PRKDC: variants seen among roughly 807,000 people sequenced by gnomAD.
PRKDC encodes protein kinase, DNA-activated, catalytic subunit.
A neutral mutation model predicts 486.9 loss-of-function variants in PRKDC; 82 were observed. That is an observed-to-expected ratio of 0.17 (90% CI 0.14 to 0.20). PRKDC has a LOEUF of 0.20. PRKDC is among the 10% of genes least tolerant of loss of function. The pLI, the probability that PRKDC is intolerant of heterozygous loss-of-function variation, is 1.00. For synonymous variants in PRKDC, 1,895 were observed against 1,837.0 expected (o/e 1.03, Z -0.81); for missense variants, 4,504 against 5,038.2 (o/e 0.89, Z 3.21).
In PRKDC at chr8:47,935,846, T is replaced by C. The variant is rs2090341362; in HGVS notation, c.1333A>G (p.Ser445Gly). 1 of 1,613,966 alleles carries C rather than the reference T, an allele frequency of 6.2e-7. No individual in the cohort carries two copies. Among genetic ancestry groups the C allele is most frequent in the Non-Finnish European group, 8.5e-7 (1 of 1,179,878 alleles). Residue 445 changes from serine (S) to glycine (G), a missense_variant, in exon 13 of 86, where the codon AGT (serine) becomes GGT (glycine). Physicochemically the swap from Ser to Gly is moderately conservative, Grantham distance 56. Around this residue, in one of 6 missense-constraint regions of PRKDC, gnomAD observed 1,969 missense variants for 2,068.9 expected, o/e 0.95. Transcript: ENST00000314191. ...ATTTTTGGACTGTACTGTGGGAAAC[T>C]GTCTATCTGCATCACCACGAGGTGC... ...LEHLVVMQID[S>G]FPQYSPKMQL... is the part of the protein sequence containing the mutation.
At position 47,807,311 on chromosome 8, in the gene PRKDC, G is replaced by T; in HGVS notation, c.9573C>A (p.Ser3191Arg). 2 of 1,560,050 alleles carry T rather than the reference G, an allele frequency of 1.3e-6. No individual in the cohort carries two copies. The highest frequency in any genetic ancestry group is 8.7e-7 in the Non-Finnish European group (1 of 1,150,392). Reference sequence around the variant, plus strand: ...GAGGGGTAAGCTTCTCCTCTATTTTGCTGAGAAAGAAACATCTACACAAAG... The same window carrying T: ...GAGGGGTAAGCTTCTCCTCTATTTTTCTGAGAAAGAAACATCTACACAAAG... ...DIITNRCFFL[S>R]KIEEKLTPLP... Residue 3191 changes from serine to arginine, a missense_variant, in exon 69 of 86, where the codon AGC (serine) becomes AGA (arginine). This residue lies in a region of PRKDC where 1,592 missense variants were observed against 1,724.6 expected (regional missense o/e 0.92). Coordinates refer to ENST00000314191, the MANE Select transcript of PRKDC (RefSeq NM_006904.7).
At chr8:47,878,326 C>G (rs202095606) in intron 39 of PRKDC, among the ~76,000 whole-genome samples, 1 of 152,082 alleles carries the variant, frequency 6.6e-6, no homozygotes, top group Non-Finnish European at 1.5e-5. Context: ...AGGATGGTCT[C>G]GATCTCCTGA....
intron 22 of PRKDC, among the ~76,000 whole-genome samples, chr8:47,916,614 C>CA (rs2089988168): frequency 6.6e-6 from 1 of 152,090 alleles, no homozygotes; most frequent in Non-Finnish European, 1.5e-5. Flanking sequence ...TGCATATATC[C>CA]ACCTATGAAT....
At chr8:47,805,583 T>C (rs1452002422) in intron 69 of PRKDC, among the ~76,000 whole-genome samples, 1 of 152,206 alleles carries the variant, frequency 6.6e-6, no homozygotes, top group Non-Finnish European at 1.5e-5. Context: ...ATTACATGAG[T>C]TGTCTTTATA....
At chr8:47,865,755 T>G (rs1050104112) in intron 40 of PRKDC, among the ~76,000 whole-genome samples, 12 of 152,076 alleles carry the variant, frequency 7.9e-5, no homozygotes, top group African/African-American at 2.9e-4. Context: ...GGTACTATAA[T>G]GGACTGAATG....
chr8:47,859,052 G>A (rs2088614183), intron 46 of PRKDC, 66 bp from the exon 47 acceptor site: 1 of 1,568,262 alleles, frequency 6.4e-7, no homozygotes, highest in Non-Finnish European at 8.7e-7. Flanking sequence ...GGCAGTGGAT[G>A]TGGGAGGCTC....
At position 47,803,470 on chromosome 8, in the gene PRKDC, G is replaced by A. The variant is rs774233446; in HGVS notation, c.9758C>T (p.Ser3253Leu). 1 of 1,613,856 alleles carries A rather than the reference G, an allele frequency of 6.2e-7. No homozygotes were observed. Among genetic ancestry groups the A allele is most frequent in the Non-Finnish European group, 8.5e-7 (1 of 1,179,776 alleles). ...CTCCTTCAGTAGTTTCATAGCAAGT[G>A]AGAAATTGTTCTGTATGAATACAAT... ...IDSARKQNNF[S>L]LAMKLLKELH... Residue 3253 changes from serine to leucine, a missense_variant, in exon 70 of 86, where the codon TCA (serine) becomes TTA (leucine). By Grantham distance (145) the Ser-to-Leu change is moderately radical. Coordinates refer to ENST00000314191, the MANE Select transcript of PRKDC (RefSeq NM_006904.7).
intron 68 of PRKDC, among the ~76,000 whole-genome samples, chr8:47,811,866 A>T (rs889960218): frequency 4.6e-5 from 7 of 152,192 alleles, no homozygotes; most frequent in African/African-American, 1.7e-4. Context: ...AAACCCGGCT[A>T]CTCGGGAGGC....
intron 51 of PRKDC, among the ~76,000 whole-genome samples, chr8:47,853,571 T>C (rs926480601): frequency 4.6e-5 from 7 of 152,152 alleles, no homozygotes; most frequent in African/African-American, 1.4e-4. Context: ...CCAGCTGCCC[T>C]AGCTCCCAGG....
intron 40 of PRKDC, among the ~76,000 whole-genome samples, chr8:47,874,002 T>C (rs1421627008): frequency 6.6e-6 from 1 of 151,270 alleles, no homozygotes; most frequent in African/African-American, 2.4e-5. Context: ...TTTTTTTTTT[T>C]TTGAGACGGA....
At position 47,863,485 on chromosome 8, in the gene PRKDC, A is replaced by T. The variant is rs2088725264; in HGVS notation, c.5664T>A (p.Asp1888Glu). 1.2e-6 allele frequency: 2 copies of T among 1,612,242 alleles called. No homozygotes were observed. The highest frequency in any genetic ancestry group is 1.3e-5 in the African/African-American group (1 of 74,876). Residue 1888 changes from aspartate (D) to glutamate (E), a missense_variant, in exon 42 of 86, where the codon GAT (aspartate) becomes GAA (glutamate). This residue lies in a region of PRKDC where 80 missense variants were observed against 132.3 expected (regional missense o/e 0.60). Transcript: ENST00000314191. ...DVMYSRLPKD[D>E]VHAKESKINQ... Reference sequence around the variant, plus strand: ...TAATTTTTGATTCCTTAGCATGAACATCATCTTTGGGAAGGCGAGAATACA... The same window carrying T: ...TAATTTTTGATTCCTTAGCATGAACTTCATCTTTGGGAAGGCGAGAATACA...
At chr8:47,829,342 TAAATC>T (rs896318973) in intron 61 of PRKDC, among the ~76,000 whole-genome samples, 109 of 152,320 alleles carry the variant, frequency 7.2e-4, no homozygotes, top group African/African-American at 2.6e-3. Flanking sequence ...TGAATGTTCT[TAAATC>T]AAGTGTGATT....
In PRKDC at chr8:47,854,075, A is replaced by T; in HGVS notation, c.6893+8T>A. The T allele has an allele frequency of 1.2e-6, 2 of 1,613,500 alleles. No individual in the cohort carries two copies. Among genetic ancestry groups the T allele is most frequent in the Non-Finnish European group, 8.5e-7 (1 of 1,179,704 alleles). On this transcript the variant is annotated splice_region_variant and intron_variant, in intron 51 of 85. Coordinates refer to ENST00000314191, the MANE Select transcript of PRKDC (RefSeq NM_006904.7). Reference sequence around the variant, plus strand: ...CGTGACCTAAAAAATAATCAAGCAAACACGTACTCGCTACTCTGGATGCCA... The same window carrying T: ...CGTGACCTAAAAAATAATCAAGCAATCACGTACTCGCTACTCTGGATGCCA...
At chr8:47,885,426 T>G (rs752926286) in intron 36 of PRKDC, among the ~76,000 whole-genome samples, 1 of 151,968 alleles carries the variant, frequency 6.6e-6, no homozygotes, top group African/African-American at 2.4e-5. Flanking sequence ...GTGCTGGGAT[T>G]ACAGGCATGA....
At chr8:47,938,845 C>T (rs2090394942) in intron 11 of PRKDC, among the ~76,000 whole-genome samples, 3 of 152,212 alleles carry the variant, frequency 2.0e-5, no homozygotes, top group South Asian at 2.1e-4. Flanking sequence ...GGTGAGATTA[C>T]AGGTGTGGGC....
At chr8:47,959,378 A>T (rs2090771431) in intron 1 of PRKDC, 1 of 152,098 alleles carries the variant, frequency 6.6e-6, no homozygotes, top group Admixed American at 6.6e-5. Context: ...GATTCAGGTG[A>T]AAGAAAATAC....
At chr8:47,885,719 C>T (rs1040972160) in intron 36 of PRKDC, among the ~76,000 whole-genome samples, 16 of 151,952 alleles carry the variant, frequency 1.1e-4, no homozygotes, top group Middle Eastern at 3.4e-3. Flanking sequence ...AGTGAAACTC[C>T]GTCTCTACTA....
intron 63 of PRKDC, among the ~76,000 whole-genome samples, chr8:47,826,347 C>T (rs1160161853): frequency 1.3e-5 from 2 of 152,206 alleles, no homozygotes; most frequent in African/African-American, 4.8e-5. Flanking sequence ...ATATTAGGAA[C>T]TATGATTCAC....
At position 47,777,892 on chromosome 8, in the gene PRKDC, CA is replaced by C; in HGVS notation, c.11854-19del. On this transcript the variant is annotated intron_variant, in intron 83 of 85. Transcript: ENST00000314191. The stretch of plus-strand genomic sequence containing the variant: ...GGCAGAAACTAAACAAGAAAAAAGG[CA>C]AGGAGCAGAATATGTAAGCCAGAAC... 6.2e-7 allele frequency: 1 copy of C among 1,609,794 alleles called. No homozygotes were observed. Among genetic ancestry groups the C allele is most frequent in the Non-Finnish European group, 8.5e-7 (1 of 1,177,672 alleles).
Sources: gnomAD v4.1 joint callset for allele counts (sites outside exome capture counted in the v4.1 genomes callset) on GRCh38, gnomAD v4.1.1 for gene constraint, gnomAD v4.1.1 regional missense constraint, MANE v1.5 for transcripts, NCBI Gene and HGNC (gene_info 2026-07-23, HGNC 2026-07-21) for gene names.